The following PCDHGA10 variants were observed in gnomAD, a reference collection of about 807,000 sequenced individuals.
PCDHGA10 encodes the protein protocadherin gamma-A10.
In PCDHGA10, 42 loss-of-function variants were observed where a neutral mutation model predicts 59.5. The ratio of observed to expected loss-of-function variants is 0.71; its 90% CI spans 0.55 to 0.91. The LOEUF is 0.91. PCDHGA10 is among the 40% of genes least tolerant of loss of function. The pLI, the probability that PCDHGA10 is intolerant of heterozygous loss-of-function variation, is 0.00. For missense variants in PCDHGA10, 1,111 were observed against 1,198.2 expected, an observed-to-expected ratio of 0.93 and a Z score of 1.07; for synonymous variants, 511 against 517.2, an observed-to-expected ratio of 0.99 and a Z score of 0.16.
chr5:141,476,922 C>T lies in PCDHGA10; in HGVS notation c.2437-17885C>T. 4 of 1,614,120 alleles carry T rather than the reference C, an allele frequency of 2.5e-6. No individual in the cohort carries two copies. Among genetic ancestry groups the T allele is most frequent in the Non-Finnish European group, 2.5e-6 (3 of 1,180,050 alleles). On this transcript the variant is annotated intron_variant, in intron 1 of 3. Transcript: ENST00000398610. The surrounding 1 kb of genome is among the most constrained non-coding windows in gnomAD (Gnocchi z 7.6). ...ACGCGCGTGGTACAAGTCCTTGCAA[C>T]GGATCTGGATGAAGGCCCCAACGGT...
chr5:141,457,635 T>G (rs1242403589), intron 1 of PCDHGA10, among the ~76,000 whole-genome samples: 2 of 152,270 alleles, frequency 1.3e-5, no homozygotes, highest in African/African-American at 4.8e-5. Flanking sequence ...ATACTTGGCC[T>G]GATTATTTGC....
In PCDHGA10 at chr5:141,414,747, C is replaced by T. The variant is rs556012378; in HGVS notation, c.1572C>T (p.Phe524=). ...DTGVLYALRS[F]DYEQFHELQM... ...GCGTCCTGTATGCACTCAGATCCTT[C>T]GACTATGAGCAGTTTCATGAGCTAC... The change falls in exon 1 of 4, where the codon TTC becomes TTT. Residue 524 remains phenylalanine, a synonymous_variant. Coordinates refer to ENST00000398610, the MANE Select transcript of PCDHGA10 (RefSeq NM_018913.3). The T allele has an allele frequency of 6.2e-7, 1 of 1,614,214 alleles. No individual in the cohort carries two copies. The highest frequency in any genetic ancestry group is 1.3e-5 in the African/African-American group (1 of 75,058).
chr5:141,455,833 G>A (rs999291826), intron 1 of PCDHGA10, among the ~76,000 whole-genome samples: 1 of 151,468 alleles, frequency 6.6e-6, no homozygotes, highest in Admixed American at 6.6e-5. Flanking sequence ...CCCTTTTCCT[G>A]TCTATCTGCA....
Position 141,489,213 on chromosome 5 carries a change from T to G in PCDHGA10, c.2437-5594T>G, listed in dbSNP as rs372898969. 11 of 1,473,392 alleles carry G rather than the reference T, an allele frequency of 7.5e-6. No homozygotes were observed. The highest frequency in any genetic ancestry group is 6.4e-6 in the Non-Finnish European group (7 of 1,091,332). 91.3% of individuals were successfully genotyped at this position (1,473,392 alleles called of 1,614,324 possible). On this transcript the variant is annotated intron_variant, in intron 1 of 3. Coordinates refer to ENST00000398610, the MANE Select transcript of PCDHGA10 (RefSeq NM_018913.3). This position sits in a 1 kb window ranked among gnomAD's most constrained non-coding sequence, Gnocchi z 4.5. Reference sequence around the variant, plus strand: ...ACCTTGGAGACAGGACAGCACAGACTTACTCTCCACAAAGGGACTTCTGGG... The same window carrying G: ...ACCTTGGAGACAGGACAGCACAGACGTACTCTCCACAAAGGGACTTCTGGG...
In PCDHGA10 at chr5:141,432,896, G is replaced by A. The variant is rs2097547014; in HGVS notation, c.2436+17285G>A. On this transcript the variant is annotated intron_variant, in intron 1 of 3. Transcript: ENST00000398610. This position sits in a 1 kb window ranked among gnomAD's most constrained non-coding sequence, Gnocchi z 6.0. ...CCTGGCCTTCGTCATCTTGCTGCTG[G>A]CGCTCAGGCTGCGGCGCTGGCACAA... is the stretch of plus-strand genomic sequence containing the variant. 6.2e-7 allele frequency: 1 copy of A among 1,614,056 alleles called. No homozygotes were observed. Among genetic ancestry groups the A allele is most frequent in the African/African-American group, 1.3e-5 (1 of 74,946 alleles).
Position 141,486,929 on chromosome 5 carries a change from G to A in PCDHGA10, c.2437-7878G>A. 2.5e-6 allele frequency: 4 copies of A among 1,614,226 alleles called. No individual in the cohort carries two copies. Among genetic ancestry groups the A allele is most frequent in the Non-Finnish European group, 2.5e-6 (3 of 1,180,038 alleles). ...CCAAGCACTGCCTCCATCAGTTGGT[G>A]CTGGCCACCTAATCACAAAGGTGAC... On this transcript the variant is annotated intron_variant, in intron 1 of 3. Transcript: ENST00000398610. This position sits in a 1 kb window ranked among gnomAD's most constrained non-coding sequence, Gnocchi z 5.0.
chr5:141,418,916 T>C (rs766021059), intron 1 of PCDHGA10: 26 of 1,613,830 alleles, frequency 1.6e-5, no homozygotes, highest in Non-Finnish European at 1.7e-6. Context: ...CACGTCACTC[T>C]CTGATCAGAT....
rs549557253 is a variant in PCDHGA10 at position 141,503,310 on chromosome 5, T to C, written c.2496-2083T>C. 2.6e-5 allele frequency among the ~76,000 whole-genome samples: 4 copies of C among 152,176 alleles called. No homozygotes were observed. The East Asian group carries it at 7.7e-4, about 29-fold the overall frequency. On this transcript the variant is annotated intron_variant, in intron 2 of 3. Coordinates refer to ENST00000398610, the MANE Select transcript of PCDHGA10 (RefSeq NM_018913.3). ...TACATAGAAATTGCTCAAGAAAGAA[T>C]TGTTGGAGGGGCGCGGTGGCTCACG...
intron 1 of PCDHGA10, among the ~76,000 whole-genome samples, chr5:141,451,430 T>C (rs1441183396): frequency 2.0e-5 from 3 of 152,240 alleles, no homozygotes; most frequent in Non-Finnish European, 4.4e-5. Context: ...AGACTAAGGG[T>C]TCCAGTTCCT....
intron 1 of PCDHGA10, among the ~76,000 whole-genome samples, chr5:141,480,689 C>A (rs1266042791): frequency 6.6e-6 from 1 of 152,126 alleles, no homozygotes; most frequent in Non-Finnish European, 1.5e-5. Flanking sequence ...AATTCTGAAA[C>A]CCAGGCCACA....
At position 141,437,148 on chromosome 5, in the gene PCDHGA10, A is replaced by T. The variant is rs1196014608; in HGVS notation, c.2436+21537A>T. ...GTTGATAATTTAGGATTCATAATTA[A>T]CATATGTGTTGATTGTTTTCTGAGA... is the stretch of plus-strand genomic sequence containing the variant. On this transcript the variant is annotated intron_variant, in intron 1 of 3. Coordinates refer to ENST00000398610, the MANE Select transcript of PCDHGA10 (RefSeq NM_018913.3). Among the ~76,000 whole-genome samples the T allele has an allele frequency of 2.0e-5, 3 of 152,214 alleles. No individual in the cohort carries two copies. In the East Asian group the frequency reaches 5.8e-4, roughly 29 times the overall value.
intron 2 of PCDHGA10, among the ~76,000 whole-genome samples, chr5:141,497,264 A>G (rs2154592078): frequency 6.6e-6 from 1 of 152,258 alleles, no homozygotes; most frequent in East Asian, 1.9e-4. Flanking sequence ...GAGAAGTTCT[A>G]GGCCATTTAT....
At position 141,477,781 on chromosome 5, in the gene PCDHGA10, A is replaced by G; in HGVS notation, c.2437-17026A>G. 6.2e-7 allele frequency: 1 copy of G among 1,614,036 alleles called. No homozygotes were observed. Among genetic ancestry groups the G allele is most frequent in the South Asian group, 1.1e-5 (1 of 91,090 alleles). Reference sequence around the variant, plus strand: ...TAGCCACCAACATCAGCGTGAACATATTTGTCACTGATCGCAATGACAATG... The same window carrying G: ...TAGCCACCAACATCAGCGTGAACATGTTTGTCACTGATCGCAATGACAATG... On this transcript the variant is annotated intron_variant, in intron 1 of 3. Coordinates refer to ENST00000398610, the MANE Select transcript of PCDHGA10 (RefSeq NM_018913.3). The surrounding 1 kb of genome is among the most constrained non-coding windows in gnomAD (Gnocchi z 4.9).
chr5:141,472,009 G>A (rs917861040), intron 1 of PCDHGA10, among the ~76,000 whole-genome samples: 11 of 152,074 alleles, frequency 7.2e-5, no homozygotes, highest in African/African-American at 2.7e-4. Flanking sequence ...TCGTATAGGG[G>A]CACTATATTG....
rs1001912556 is a variant in PCDHGA10, at chr5:141,493,404, CTCTGCTGGGATTTTGCT to C, written c.2437-1391_2437-1375del. Among the ~76,000 whole-genome samples, 10 of 152,266 alleles carry C rather than the reference CTCTGCTGGGATTTTGCT, an allele frequency of 6.6e-5. No individual in the cohort carries two copies. Among genetic ancestry groups the C allele is most frequent in the Admixed American group, 6.5e-4 (10 of 15,298 alleles). On this transcript the variant is annotated intron_variant, in intron 1 of 3. Coordinates refer to ENST00000398610, the MANE Select transcript of PCDHGA10 (RefSeq NM_018913.3). The surrounding 1 kb of genome is among the most constrained non-coding windows in gnomAD (Gnocchi z 4.3). ...CTTGAGGACAGGAGAGGGGAGTTGCCTCTGCTGGGATTTTGCTTCTGCTGGGATGGGGCAAGGGTGGG... is the reference window on the plus strand; with the variant it reads ...CTTGAGGACAGGAGAGGGGAGTTGCCTCTGCTGGGATGGGGCAAGGGTGGG...
intron 1 of PCDHGA10, chr5:141,440,709 A>C (rs1351127132): frequency 1.3e-5 from 2 of 152,216 alleles, no homozygotes; most frequent in Non-Finnish European, 2.9e-5. Context: ...GTGGAAAGAC[A>C]TATGTTGATC....
At chr5:141,444,205 CTT>C in intron 1 of PCDHGA10, among the ~76,000 whole-genome samples, 1 of 77,932 alleles carries the variant, frequency 1.3e-5, no homozygotes. Context: ...GAGTTTCACT[CTT>C]GTTGCCCAGG....
At position 141,413,618 on chromosome 5, in the gene PCDHGA10, A is replaced by C. The variant is rs1188549125; in HGVS notation, c.443A>C (p.Glu148Ala). The change falls in exon 1 of 4, where the codon GAA becomes GCA. Residue 148 changes from glutamate to alanine, a missense_variant. Glu to Ala is a moderately radical substitution (Grantham distance 107). Coordinates refer to ENST00000398610, the MANE Select transcript of PCDHGA10 (RefSeq NM_018913.3). ...GAAAATCTAGACGTAAAAATTAATG[A>C]AAATGTCGCTGCGGGAATGCGTTTT... ...QAENLDVKIN[E>A]NVAAGMRFPL... The C allele has an allele frequency of 6.2e-7, 1 of 1,613,916 alleles. No individual in the cohort carries two copies. Among genetic ancestry groups the C allele is most frequent in the Admixed American group, 1.7e-5 (1 of 60,032 alleles).
intron 1 of PCDHGA10, among the ~76,000 whole-genome samples, chr5:141,445,554 C>T (rs898901856): frequency 3.3e-5 from 5 of 152,102 alleles, no homozygotes; most frequent in African/African-American, 1.2e-4. Context: ...TACAAAAGCA[C>T]TAAGAGAAAG....
Sources: gnomAD v4.1 joint callset for allele counts (sites outside exome capture counted in the v4.1 genomes callset) on GRCh38, gnomAD v4.1.1 for gene constraint, Gnocchi (gnomAD v3.1) non-coding constraint, MANE v1.5 for transcripts, NCBI Gene and HGNC (gene_info 2026-07-23, HGNC 2026-07-21) for gene names.